The following HGF variants were observed in gnomAD, a reference collection of about 807,000 sequenced individuals.
The protein encoded by HGF is hepatocyte growth factor, also known as fibroblast-derived tumor cytotoxic factor.
A neutral mutation model predicts 111.6 loss-of-function variants in HGF; 39 were observed. That is an observed-to-expected ratio of 0.35 (90% confidence interval 0.27 to 0.46). HGF has a LOEUF of 0.46. Ranked by LOEUF, HGF falls within the 20% of genes least tolerant of loss-of-function variation. The probability of loss-of-function intolerance (pLI) is 1.00; values close to 1 mark genes in which losing one functional copy is unlikely to be tolerated. For missense variants in HGF, 735 were observed against 910.5 expected, an observed-to-expected ratio of 0.81 and a Z score of 2.48; for synonymous variants, 285 against 294.8, an observed-to-expected ratio of 0.97 and a Z score of 0.34.
intron 1 of HGF, among the ~76,000 whole-genome samples, chr7:81,768,915 A>C (rs1432194567): frequency 6.6e-6 from 1 of 152,124 alleles, no homozygotes; most frequent in Non-Finnish European, 1.5e-5. Flanking sequence ...CATATCAAAA[A>C]CTAGATCAAA....
rs5745649 is a variant in HGF at position 81,751,778 on chromosome 7, C to T, written c.625+342G>A. ...TTAACATTGCTAATGAAAGGCTAAG[C>T]TTCATTCAACTCCTTTCAGGTGCCA... On this transcript the variant is annotated intron_variant, in intron 5 of 17. Transcript: ENST00000222390. 180 of 1,108,506 alleles carry T rather than the reference C, an allele frequency of 1.6e-4. No individual in the cohort carries two copies. In the African/African-American group the frequency reaches 2.7e-3, roughly 17 times the overall value. The allele number at this position is 1,108,506 out of a possible 1,614,324, so 68.7% of individuals were successfully genotyped here.
intron 14 of HGF, among the ~76,000 whole-genome samples, chr7:81,706,982 A>G (rs1340817938): frequency 1.3e-5 from 2 of 151,966 alleles, no homozygotes; most frequent in Non-Finnish European, 2.9e-5. Context: ...TAGAAAAAAA[A>G]AAGAATTATA....
intron 15 of HGF, 68 bp from the exon 16 acceptor site, chr7:81,705,821 T>C: frequency 1.0e-6 from 1 of 953,730 alleles, no homozygotes; most frequent in Non-Finnish European, 1.7e-6. Context: ...ATATTAAATG[T>C]AGTGTTCATG....
intron 7 of HGF, among the ~76,000 whole-genome samples, chr7:81,731,722 A>G (rs772032380): frequency 3.9e-5 from 6 of 152,330 alleles, no homozygotes; most frequent in Middle Eastern, 6.8e-3. Context: ...TTAAAAGGTG[A>G]TAACTCTAAA....
At chr7:81,757,442 TCTA>T (rs1230099355) in intron 3 of HGF, 139 bp from the exon 4 acceptor site, 2 of 640,002 alleles carry the variant, frequency 3.1e-6, no homozygotes, top group Non-Finnish European at 5.6e-6. Context: ...GCCTAAAGCT[TCTA>T]CTAGTATTTT....
intron 8 of HGF, among the ~76,000 whole-genome samples, chr7:81,727,323 A>G (rs889592590): frequency 5.9e-5 from 9 of 151,930 alleles, no homozygotes; most frequent in African/African-American, 1.7e-4. Flanking sequence ...AATTACAGGC[A>G]TGAGCCACCG....
At chr7:81,747,156 G>A (rs1255403812) in intron 5 of HGF, among the ~76,000 whole-genome samples, 2 of 152,126 alleles carry the variant, frequency 1.3e-5, no homozygotes, top group African/African-American at 4.8e-5. Context: ...GGCTAACACG[G>A]TGAAACCCCG....
chr7:81,752,962 A>G (rs1402770304), intron 4 of HGF, among the ~76,000 whole-genome samples: 1 of 151,982 alleles, frequency 6.6e-6, no homozygotes, highest in Non-Finnish European at 1.5e-5. Flanking sequence ...AACAAATGCT[A>G]CCTCTTATTA....
chr7:81,706,526 A>T, intron 14 of HGF, 99 bp from the exon 15 acceptor site: 1 of 960,960 alleles, frequency 1.0e-6, no homozygotes. Context: ...AAGGCACATA[A>T]CCTAAATTTA....
intron 9 of HGF, among the ~76,000 whole-genome samples, chr7:81,724,808 A>G (rs1293109023): frequency 6.6e-6 from 1 of 152,216 alleles, no homozygotes; most frequent in Non-Finnish European, 1.5e-5. Flanking sequence ...ATCAATTTAC[A>G]TTCCCAACAG....
intron 1 of HGF, 34 bp downstream of exon 1, chr7:81,769,850 A>C (rs539183121): frequency 6.9e-7 from 1 of 1,446,368 alleles, no homozygotes; most frequent in East Asian, 2.5e-5. Flanking sequence ...GTTAAATACT[A>C]ATACTAATAA....
intron 11 of HGF, among the ~76,000 whole-genome samples, chr7:81,715,196 G>C (rs1175552072): frequency 6.6e-6 from 1 of 151,982 alleles, no homozygotes; most frequent in Non-Finnish European, 1.5e-5. Context: ...AATCTGTAGA[G>C]GAAGCAAAAT....
intron 1 of HGF, among the ~76,000 whole-genome samples, chr7:81,763,928 C>T (rs1789226277): frequency 1.3e-5 from 2 of 152,132 alleles, no homozygotes; most frequent in Admixed American, 6.5e-5. Context: ...AGCAGGCTGA[C>T]TTAAAAACCA....
chr7:81,710,336 A>ATTTG, intron 12 of HGF, 93 bp from the exon 13 acceptor site: 1 of 830,144 alleles, frequency 1.2e-6, no homozygotes, highest in Non-Finnish European at 2.1e-6. Context: ...AATTACACAA[A>ATTTG]TGTAACTATT....
chr7:81,745,983 G>A (rs771692927), intron 5 of HGF, among the ~76,000 whole-genome samples: 5 of 152,136 alleles, frequency 3.3e-5, no homozygotes, highest in Non-Finnish European at 7.4e-5. Flanking sequence ...TCATTGCTTG[G>A]CTTTCCTATG....
rs202123787 is a variant in HGF, at chr7:81,752,297, G to A, written c.483-35C>T. ...AAATGATAATCATTACAGTATAAGA[G>A]CATGCAACTTTTTTTTGCCTATTAA... On this transcript the variant is annotated intron_variant, in intron 4 of 17. Coordinates refer to ENST00000222390, the MANE Select transcript of HGF (RefSeq NM_000601.6). The A allele has an allele frequency of 1.4e-3, 2,267 of 1,598,670 alleles. No individual in the cohort carries two copies. Among genetic ancestry groups the A allele is most frequent in the Non-Finnish European group, 1.8e-3 (2,108 of 1,166,430 alleles).
At chr7:81,742,047 G>A (rs1465668818) in intron 7 of HGF, among the ~76,000 whole-genome samples, 2 of 151,518 alleles carry the variant, frequency 1.3e-5, no homozygotes, top group African/African-American at 2.4e-5. Context: ...GTAGAACAAT[G>A]GAAAGACTAA....
rs5745674 is a variant in HGF at position 81,743,280 on chromosome 7, T to C, written c.865+73A>G. 4.7e-3 allele frequency: 4,044 copies of C among 868,616 alleles called. 57 individuals are homozygous for C. The highest frequency in any genetic ancestry group is 3.5e-3 in the Non-Finnish European group (1,770 of 499,748). The allele number at this position is 868,616 out of a possible 1,614,324, so 53.8% of individuals were successfully genotyped here. The stretch of plus-strand genomic sequence containing the variant: ...ATCAAGTTAAATAGTTGTTAACCTG[T>C]CTCACTAATAATCGCCTGCTTAGAT... On this transcript the variant is annotated intron_variant, in intron 7 of 17. Transcript: ENST00000222390.
In HGF at chr7:81,699,449, A is replaced by T. The variant is rs1001816509; in HGVS notation, c.*3132T>A. ...AACAAAGGCCATGTACTTTTACCAA[A>T]ATTAGTTTTATTTTTTAAATGAGTT... On this transcript the variant is annotated 3_prime_UTR_variant, in exon 18 of 18. Transcript: ENST00000222390. The T allele has an allele frequency of 2.0e-5, 3 of 151,580 alleles. No homozygotes were observed. The highest frequency in any genetic ancestry group is 4.8e-5 in the African/African-American group (2 of 41,376). The allele number at this position is 151,580 out of a possible 1,614,324, so 9.4% of individuals were successfully genotyped here.
Sources: allele counts gnomAD v4.1 joint callset (sites outside exome capture counted in the v4.1 genomes callset), GRCh38; gene constraint gnomAD v4.1.1; transcripts MANE v1.5; gene names NCBI Gene and HGNC (gene_info 2026-07-23, HGNC 2026-07-21).